LRRC49: variants seen among roughly 807,000 people sequenced by gnomAD.
LRRC49 encodes the protein leucine-rich repeat-containing protein 49.
Under a neutral mutation model 83.3 loss-of-function variants are expected in LRRC49, and 50 were observed. That is an observed-to-expected ratio of 0.60 (90% CI 0.48 to 0.76). The LOEUF is 0.76. LRRC49 is among the 30% of genes least tolerant of loss of function. The pLI is 0.00. For missense variants in LRRC49, 704 were observed against 809.1 expected (o/e 0.87, Z 1.58); for synonymous variants, 286 against 283.3 (o/e 1.01, Z -0.10).
chr15:70,889,910 A>G (rs1157707161), upstream of LRRC49, among the ~76,000 whole-genome samples: 1 of 152,240 alleles, frequency 6.6e-6, no homozygotes, highest in Non-Finnish European at 1.5e-5. Context: ...AGACCAGGCT[A>G]AACATTTATT....
chr15:70,937,485 G>T (rs1426453143), intron 8 of LRRC49, among the ~76,000 whole-genome samples: 1 of 152,064 alleles, frequency 6.6e-6, no homozygotes, highest in African/African-American at 2.4e-5. Flanking sequence ...GAGCCACTTA[G>T]TTTGAACTGG....
intron 13 of LRRC49, among the ~76,000 whole-genome samples, chr15:71,010,346 A>G (rs2038609143): frequency 6.6e-6 from 1 of 151,990 alleles, no homozygotes. Context: ...TACTTTGCAG[A>G]CTGCCTGCTA....
intron 14 of LRRC49, among the ~76,000 whole-genome samples, chr15:71,020,404 A>G (rs559268545): frequency 6.6e-6 from 1 of 152,230 alleles, no homozygotes; most frequent in Non-Finnish European, 1.5e-5. Flanking sequence ...GGGTAGAGTC[A>G]GTATTAAAAC....
At chr15:70,866,569 G>A (rs909811244) in intron 1 of LRRC49, among the ~76,000 whole-genome samples, 1 of 152,084 alleles carries the variant, frequency 6.6e-6, no homozygotes, top group Non-Finnish European at 1.5e-5. Flanking sequence ...AACTGTCCTG[G>A]CCTTACAGAT....
intron 1 of LRRC49, among the ~76,000 whole-genome samples, chr15:70,869,322 G>A (rs2032979385): frequency 6.6e-6 from 1 of 152,090 alleles, no homozygotes; most frequent in South Asian, 2.1e-4. Context: ...CTTCTTCCCT[G>A]CCTAATCTTC....
At chr15:70,890,742 G>A (rs1403598250), upstream of LRRC49, among the ~76,000 whole-genome samples, 5 of 152,128 alleles carry the variant, frequency 3.3e-5, no homozygotes, top group African/African-American at 1.2e-4. Flanking sequence ...AGTGGGAGGG[G>A]CATAGTTCCA....
intron 11 of LRRC49, among the ~76,000 whole-genome samples, chr15:70,996,967 G>C (rs1205606158): frequency 6.6e-6 from 1 of 152,168 alleles, no homozygotes; most frequent in Non-Finnish European, 1.5e-5. Flanking sequence ...CTTTATGGCT[G>C]AACATATGGT....
At chr15:70,916,092 A>C (rs1010693172) in intron 6 of LRRC49, among the ~76,000 whole-genome samples, 2 of 152,154 alleles carry the variant, frequency 1.3e-5, no homozygotes, top group Non-Finnish European at 2.9e-5. Flanking sequence ...TTTAATGTTC[A>C]TCAGGTTTAT....
At chr15:70,950,895 T>C (rs147961641) in intron 8 of LRRC49, among the ~76,000 whole-genome samples, 18 of 152,346 alleles carry the variant, frequency 1.2e-4, no homozygotes, top group African/African-American at 4.3e-4. Context: ...GGTTTAGGTC[T>C]TAGATTTAAG....
At chr15:70,992,346 G>C (rs1286565713) in intron 11 of LRRC49, among the ~76,000 whole-genome samples, 1 of 152,228 alleles carries the variant, frequency 6.6e-6, no homozygotes, top group African/African-American at 2.4e-5. Context: ...TTCCGTTGCT[G>C]GCGAGGAGCT....
At chr15:71,038,976 A>C (rs969212671) in intron 15 of LRRC49, among the ~76,000 whole-genome samples, 7 of 152,200 alleles carry the variant, frequency 4.6e-5, no homozygotes, top group African/African-American at 1.7e-4. Context: ...GAGGAGATAG[A>C]CATATATACG....
chr15:70,901,416 C>G (rs916447785), intron 4 of LRRC49, among the ~76,000 whole-genome samples: 3 of 152,168 alleles, frequency 2.0e-5, no homozygotes, highest in Non-Finnish European at 4.4e-5. Flanking sequence ...CTGCTCCAAT[C>G]ATACCTGCCA....
At chr15:70,882,899 C>T (rs1483656363) in intron 2 of LRRC49, 1 of 1,613,832 alleles carries the variant, frequency 6.2e-7, no homozygotes, top group South Asian at 1.1e-5. Context: ...AGTTCATTTT[C>T]ACACGTAATC....
intron 8 of LRRC49, among the ~76,000 whole-genome samples, chr15:70,939,725 G>A (rs957819951): frequency 3.3e-5 from 5 of 151,820 alleles, no homozygotes; most frequent in Non-Finnish European, 5.9e-5. Flanking sequence ...TCTAACCTAC[G>A]TCACTGTTAA....
intron 14 of LRRC49, among the ~76,000 whole-genome samples, chr15:71,017,039 G>A (rs960772732): frequency 8.1e-6 from 1 of 123,706 alleles, no homozygotes; most frequent in African/African-American, 3.1e-5. Flanking sequence ...GAGCCTGGGA[G>A]GCTGAGGCTG....
intron 1 of LRRC49, chr15:70,853,956 C>T: frequency 6.9e-7 from 1 of 1,451,652 alleles, no homozygotes; most frequent in Non-Finnish European, 9.1e-7. Flanking sequence ...CGGGCCGGGT[C>T]CCCGGCGCCC....
rs2039544895 is a variant in LRRC49 at position 71,037,133 on chromosome 15, A to G, written c.1704-46A>G. 3 of 1,340,098 alleles carry G rather than the reference A, an allele frequency of 2.2e-6. No homozygotes were observed. The East Asian group carries it at 7.0e-5, about 31-fold the overall frequency. The allele number at this position is 1,340,098 out of a possible 1,614,324, so 83.0% of individuals were successfully genotyped here. A position where few individuals can be genotyped will look rare whatever the true frequency, so the allele number is the denominator to read the frequency against. The stretch of plus-strand genomic sequence containing the variant: ...CAACAAAAAATAGACATGTTTTAGT[A>G]AGTCTGATAAGTAACTCTCTAAATC... On this transcript the variant is annotated intron_variant, in intron 14 of 15. Transcript: ENST00000260382.
At chr15:71,042,980 G>T (rs2039742997) in intron 15 of LRRC49, among the ~76,000 whole-genome samples, 1 of 152,152 alleles carries the variant, frequency 6.6e-6, no homozygotes, top group Admixed American at 6.5e-5. Context: ...GACCACCCTA[G>T]TGCAAAGGGC....
chr15:70,992,744 G>T (rs544750726), intron 11 of LRRC49, among the ~76,000 whole-genome samples: 1 of 152,224 alleles, frequency 6.6e-6, no homozygotes, highest in African/African-American at 2.4e-5. Flanking sequence ...TCCTCTGGAG[G>T]TTTCGTCTCA....
Sources: allele counts gnomAD v4.1 joint callset (sites outside exome capture counted in the v4.1 genomes callset), GRCh38; gene constraint gnomAD v4.1.1; transcripts MANE v1.5; gene names NCBI Gene and HGNC (gene_info 2026-07-23, HGNC 2026-07-21).